The following ADAM12 variants were observed in gnomAD, a reference collection of about 807,000 sequenced individuals.
ADAM12 encodes the protein disintegrin and metalloproteinase domain-containing protein 12.
A neutral mutation model predicts 106.4 loss-of-function variants in ADAM12; 70 were observed. The ratio of observed to expected loss-of-function variants is 0.66; its 90% CI spans 0.54 to 0.80. ADAM12 has a LOEUF of 0.80. Ranked by LOEUF, ADAM12 falls within the 30% of genes least tolerant of loss-of-function variation. ADAM12 has a pLI of 0.00. For synonymous variants in ADAM12, 420 were observed against 433.5 expected (o/e 0.97, Z 0.39); for missense variants, 1,010 against 1,171.9 (o/e 0.86, Z 2.02).
intron 2 of ADAM12, among the ~76,000 whole-genome samples, chr10:126,326,386 G>T (rs192832159): frequency 0.01 from 1,586 of 152,226 alleles, 22 homozygotes; most frequent in African/African-American, 0.036. Context: ...TAGACAGGGG[G>T]TCCTTTCTCT....
At chr10:126,072,363 C>T (rs1955015226) in intron 11 of ADAM12, among the ~76,000 whole-genome samples, 2 of 152,158 alleles carry the variant, frequency 1.3e-5, no homozygotes, top group Admixed American at 1.3e-4. Flanking sequence ...GGCTGCCCAG[C>T]CCCCATGTAC....
intron 5 of ADAM12, among the ~76,000 whole-genome samples, chr10:126,124,801 A>G (rs779474399): frequency 4.0e-5 from 6 of 151,154 alleles, no homozygotes; most frequent in Non-Finnish European, 8.8e-5. Flanking sequence ...CTGAGGTAGG[A>G]GAATCACTTG....
chr10:126,100,242 C>G (rs1178872341), intron 9 of ADAM12, among the ~76,000 whole-genome samples: 1 of 152,120 alleles, frequency 6.6e-6, no homozygotes, highest in Admixed American at 6.5e-5. Context: ...GGTTAATGTG[C>G]TATGCTTCCC....
At chr10:126,117,759 G>GGGA (rs1554971261) in intron 6 of ADAM12, among the ~76,000 whole-genome samples, 1 of 21,226 alleles carries the variant, frequency 4.7e-5, no homozygotes, top group South Asian at 1.1e-3. Flanking sequence ...GGTAGAAGTT[G>GGGA]GGGGGGCGTA....
chr10:126,139,992 G>C (rs904317087), intron 4 of ADAM12, among the ~76,000 whole-genome samples: 2 of 152,174 alleles, frequency 1.3e-5, no homozygotes, highest in African/African-American at 4.8e-5. Context: ...GGGCATCAGG[G>C]GGATCCTAGT....
chr10:126,261,198 T>G (rs1212998705), intron 3 of ADAM12, among the ~76,000 whole-genome samples: 2 of 152,120 alleles, frequency 1.3e-5, no homozygotes, highest in Non-Finnish European at 2.9e-5. Context: ...GGAGCTAATC[T>G]CCTTCAGATA....
At chr10:126,305,539 T>C (rs1216721359) in intron 2 of ADAM12, among the ~76,000 whole-genome samples, 4 of 152,166 alleles carry the variant, frequency 2.6e-5, no homozygotes, top group East Asian at 1.9e-4. Context: ...ATGAGGGAAA[T>C]ATTTAATGTC....
intron 2 of ADAM12, among the ~76,000 whole-genome samples, chr10:126,324,803 C>T (rs920089150): frequency 6.6e-6 from 1 of 151,908 alleles, no homozygotes; most frequent in African/African-American, 2.4e-5. Context: ...CTGGAGGTAC[C>T]TGTAATTGAT....
chr10:126,050,085 G>A (rs1364192578), intron 14 of ADAM12, among the ~76,000 whole-genome samples: 1 of 152,174 alleles, frequency 6.6e-6, no homozygotes, highest in African/African-American at 2.4e-5. Context: ...CAATTCCGGT[G>A]AGGAAATGCA....
chr10:126,325,849 C>T (rs1252660625), intron 2 of ADAM12, among the ~76,000 whole-genome samples: 8 of 152,136 alleles, frequency 5.3e-5, no homozygotes, highest in African/African-American at 4.8e-5. Flanking sequence ...TTACAGCCAT[C>T]GTTTCATCTC....
chr10:126,178,672 T>A (rs1224616196), intron 3 of ADAM12, among the ~76,000 whole-genome samples: 1 of 152,120 alleles, frequency 6.6e-6, no homozygotes, highest in Non-Finnish European at 1.5e-5. Context: ...AAAATGCTCT[T>A]GGAGGTACTT....
chr10:126,316,422 A>T (rs942051852), intron 2 of ADAM12, among the ~76,000 whole-genome samples: 1 of 152,242 alleles, frequency 6.6e-6, no homozygotes, highest in African/African-American at 2.4e-5. Context: ...ATAGTATCCT[A>T]GGCAGGGCCT....
intron 1 of ADAM12, among the ~76,000 whole-genome samples, chr10:126,331,285 C>T (rs951184852): frequency 1.8e-4 from 28 of 152,124 alleles, no homozygotes; most frequent in African/African-American, 1.7e-4. Flanking sequence ...CTATTTGGTT[C>T]GACCACAGTA....
Position 126,168,772 on chromosome 10 carries a change from G to A in ADAM12, c.261-13467C>T, listed in dbSNP as rs114493157. 5.9e-3 allele frequency among the ~76,000 whole-genome samples: 896 copies of A among 151,558 alleles called. 10 individuals are homozygous for A. Among genetic ancestry groups the A allele is most frequent in the African/African-American group, 0.021 (861 of 40,876 alleles). On this transcript the variant is annotated intron_variant, in intron 3 of 22. Transcript: ENST00000448723. Reference sequence around the variant, plus strand: ...GCAGAATTCTAATTCCTTAGCGCACGGCCAGGCGCGGTGGCTCACACGGGA... The same window carrying A: ...GCAGAATTCTAATTCCTTAGCGCACAGCCAGGCGCGGTGGCTCACACGGGA...
intron 3 of ADAM12, among the ~76,000 whole-genome samples, chr10:126,193,881 G>C (rs9665590): frequency 0.076 from 10,994 of 143,804 alleles, 1,199 homozygotes; most frequent in African/African-American, 0.28. Flanking sequence ...AACCGAGTGA[G>C]ACTCTGTCTC....
At chr10:126,199,326 A>G (rs1246792395) in intron 3 of ADAM12, among the ~76,000 whole-genome samples, 1 of 152,192 alleles carries the variant, frequency 6.6e-6, no homozygotes, top group Non-Finnish European at 1.5e-5. Flanking sequence ...GGGCCTGACC[A>G]TCCCGCTGAA....
intron 8 of ADAM12, among the ~76,000 whole-genome samples, chr10:126,103,364 C>G (rs1376410163): frequency 4.6e-5 from 7 of 152,182 alleles, no homozygotes; most frequent in Non-Finnish European, 8.8e-5. Flanking sequence ...CTGACGGGTT[C>G]CTTTTGATTC....
At chr10:126,323,940 T>C (rs528310267) in intron 2 of ADAM12, among the ~76,000 whole-genome samples, 1 of 152,218 alleles carries the variant, frequency 6.6e-6, no homozygotes, top group Non-Finnish European at 1.5e-5. Flanking sequence ...TATTTCATGA[T>C]ATCCAACAGA....
At chr10:126,330,622 G>T in intron 1 of ADAM12, 113 bp from the exon 2 acceptor site, 1 of 887,162 alleles carries the variant, frequency 1.1e-6, no homozygotes, top group Non-Finnish European at 1.7e-6. Context: ...AATAAGCCCA[G>T]GGAAACACTA....
Sources: allele counts gnomAD v4.1 joint callset (sites outside exome capture counted in the v4.1 genomes callset), GRCh38; gene constraint gnomAD v4.1.1; transcripts MANE v1.5; gene names NCBI Gene and HGNC (gene_info 2026-07-23, HGNC 2026-07-21).